The following ATP10D variants were observed in gnomAD, a reference collection of about 807,000 sequenced individuals.
ATP10D encodes the protein ATPase phospholipid transporting 10D (putative).
Under a neutral mutation model 144.8 loss-of-function variants are expected in ATP10D, and 89 were observed. The ratio of observed to expected loss-of-function variants is 0.61; its 90% CI spans 0.52 to 0.73. The LOEUF is 0.73. Among genes scored for constraint, ATP10D ranks in the 30% least tolerant of loss-of-function variants. ATP10D has a pLI of 0.00. For missense variants in ATP10D, 1,603 were observed against 1,714.8 expected, an observed-to-expected ratio of 0.93 and a Z score of 1.15; for synonymous variants, 571 against 615.1, an observed-to-expected ratio of 0.93 and a Z score of 1.06.
At chr4:47,557,555 TTAAG>T in intron 11 of ATP10D, 105 bp from the exon 12 acceptor site, 4 of 1,156,156 alleles carry the variant, frequency 3.5e-6, no homozygotes, top group Non-Finnish European at 4.7e-6. Context: ...TGCTAGCCAT[TTAAG>T]TGAGTGGTAA....
At chr4:47,514,226 G>A (rs1560418151) in intron 2 of ATP10D, among the ~76,000 whole-genome samples, 1 of 152,104 alleles carries the variant, frequency 6.6e-6, no homozygotes, top group Non-Finnish European at 1.5e-5. Flanking sequence ...ATTAAATAGT[G>A]GCTATGTTTA....
Position 47,587,152 on chromosome 4 carries a change from A to T in ATP10D, c.3887A>T (p.Asp1296Val). ...TGGATTATGCAGGAGCACATGCTGG[A>T]TCCAGTATTCTACTTAGTTTGTATC... The part of the protein sequence containing the change: ...PYWIMQEHML[D>V]PVFYLVCILT... The change falls in exon 22 of 23, where the codon GAT becomes GTT. Residue 1296 changes from aspartate to valine, a missense_variant. Transcript: ENST00000273859. 1.2e-6 allele frequency: 2 copies of T among 1,614,072 alleles called. No individual in the cohort carries two copies. Among genetic ancestry groups the T allele is most frequent in the Non-Finnish European group, 1.7e-6 (2 of 1,179,968 alleles).
At chr4:47,559,348 A>AAC (rs1363247730) in intron 13 of ATP10D, among the ~76,000 whole-genome samples, 2 of 152,228 alleles carry the variant, frequency 1.3e-5, no homozygotes, top group African/African-American at 4.8e-5. Context: ...AGGACTTTGA[A>AAC]AATGTTGATC....
chr4:47,501,362 T>A (rs887240555), intron 1 of ATP10D, among the ~76,000 whole-genome samples: 10 of 152,234 alleles, frequency 6.6e-5, no homozygotes, highest in Non-Finnish European at 1.5e-4. Context: ...TAAAAATGGG[T>A]AACCTCACCT....
At chr4:47,544,588 C>A (rs924797987) in intron 9 of ATP10D, among the ~76,000 whole-genome samples, 2 of 152,130 alleles carry the variant, frequency 1.3e-5, no homozygotes, top group Admixed American at 6.5e-5. Flanking sequence ...GAATCCAAAT[C>A]GTTCATTCTG....
rs374344538 is a variant in ATP10D, at chr4:47,512,715, C to T, written c.175C>T (p.Pro59Ser). 5 of 1,614,072 alleles carry T rather than the reference C, an allele frequency of 3.1e-6. No individual in the cohort carries two copies. Among genetic ancestry groups the T allele is most frequent in the Non-Finnish European group, 2.5e-6 (3 of 1,180,018 alleles). Residue 59 changes from proline (P) to serine (S), a missense_variant, in exon 2 of 23, where the codon CCC becomes TCC. By Grantham distance (74) the Pro-to-Ser change is moderately conservative (BLOSUM62 -1). Coordinates refer to ENST00000273859, the MANE Select transcript of ATP10D (RefSeq NM_020453.4). ...RHRIVVPHIQPFKDEYEKFSG... is the reference protein window; with the variant it reads ...RHRIVVPHIQSFKDEYEKFSG... The stretch of plus-strand genomic sequence containing the variant: ...CCGGATTGTTGTTCCCCACATCCAG[C>T]CCTTCAAGGATGAGTATGAGAAGTT...
At chr4:47,528,892 T>C (rs1717416453) in intron 5 of ATP10D, among the ~76,000 whole-genome samples, 1 of 152,204 alleles carries the variant, frequency 6.6e-6, no homozygotes, top group African/African-American at 2.4e-5. Context: ...TTAATTGGCA[T>C]TTCTCTGATG....
At chr4:47,572,032 G>T in intron 16 of ATP10D, 122 bp from the exon 17 acceptor site, 1 of 880,622 alleles carries the variant, frequency 1.1e-6, no homozygotes, top group Non-Finnish European at 1.8e-6. Context: ...CAGGAAACTT[G>T]GAGAACGGGA....
chr4:47,527,715 A>G (rs969884596), intron 5 of ATP10D, among the ~76,000 whole-genome samples: 1 of 152,296 alleles, frequency 6.6e-6, no homozygotes, highest in African/African-American at 2.4e-5. Context: ...TTTACCTGCT[A>G]CAATTAAAAA....
chr4:47,493,445 T>C (rs1715193082), intron 1 of ATP10D, among the ~76,000 whole-genome samples: 2 of 152,220 alleles, frequency 1.3e-5, no homozygotes, highest in African/African-American at 4.8e-5. Context: ...TATTTAACAC[T>C]TGATTATAAA....
At position 47,536,700 on chromosome 4, in the gene ATP10D, TTCTC is replaced by T; in HGVS notation, c.1162_1165del (p.Leu388MetfsTer7). On this transcript the variant is annotated frameshift_variant, in exon 9 of 23. Coordinates refer to ENST00000273859, the MANE Select transcript of ATP10D (RefSeq NM_020453.4). LOFTEE classifies it high-confidence loss of function. ...GATCTTCTTAGGTCTTGATTCCTATTTCTCTCTATGTTTCCATCGAAATTGTGAA... is the reference window on the plus strand; with the variant it reads ...GATCTTCTTAGGTCTTGATTCCTATTTCTATGTTTCCATCGAAATTGTGAA... 1.2e-6 allele frequency: 2 copies of T among 1,609,034 alleles called. No individual in the cohort carries two copies. The highest frequency in any genetic ancestry group is 8.5e-7 in the Non-Finnish European group (1 of 1,178,264).
intron 15 of ATP10D, among the ~76,000 whole-genome samples, chr4:47,566,344 A>G (rs1169782112): frequency 6.6e-6 from 1 of 152,204 alleles, no homozygotes; most frequent in Non-Finnish European, 1.5e-5. Context: ...TGGAATATAC[A>G]AAGGCCTTTC....
At chr4:47,509,995 TG>T (rs1716235509) in intron 1 of ATP10D, among the ~76,000 whole-genome samples, 1 of 150,670 alleles carries the variant, frequency 6.6e-6, no homozygotes, top group Non-Finnish European at 1.5e-5. Flanking sequence ...AATTCTACTT[TG>T]CATCATAGAA....
At position 47,568,964 on chromosome 4, in the gene ATP10D, G is replaced by A. The variant is rs147568390; in HGVS notation, c.2981G>A (p.Arg994Gln). 2.8e-4 allele frequency: 450 copies of A among 1,614,138 alleles called. No individual in the cohort carries two copies. In the African/African-American group the frequency reaches 3.7e-3, roughly 13 times the overall value. The change falls in exon 16 of 23, where the codon CGA (arginine) becomes CAA (glutamine). Residue 994 changes from arginine to glutamine, a missense_variant. Coordinates refer to ENST00000273859, the MANE Select transcript of ATP10D (RefSeq NM_020453.4). ...CCTGTCCCCCGGGACTCAGGGTTAC[G>A]AGCTGGACTCATTATCACTGGGAAG... is the stretch of plus-strand genomic sequence containing the variant. Reference protein sequence around the residue: ...QPPVPRDSGLRAGLIITGKTL... With the variant: ...QPPVPRDSGLQAGLIITGKTL...
intron 1 of ATP10D, among the ~76,000 whole-genome samples, chr4:47,500,997 C>A (rs1715653804): frequency 6.6e-6 from 1 of 152,132 alleles, no homozygotes; most frequent in African/African-American, 2.4e-5. Flanking sequence ...AGGTGTTGTG[C>A]ATTTCTTTCC....
chr4:47,546,594 C>T, intron 9 of ATP10D, 30 bp from the exon 10 acceptor site: 3 of 1,591,588 alleles, frequency 1.9e-6, no homozygotes, highest in Non-Finnish European at 2.6e-6. Flanking sequence ...TCTTCTCAGA[C>T]ATTGACTCAG....
At chr4:47,515,145 G>A (rs764412689) in intron 2 of ATP10D, among the ~76,000 whole-genome samples, 3 of 151,950 alleles carry the variant, frequency 2.0e-5, no homozygotes, top group Non-Finnish European at 4.4e-5. Context: ...ATTTTTAGTA[G>A]AGACGGGGTT....
Position 47,557,947 on chromosome 4 carries a change from G to A in ATP10D, c.2108G>A (p.Gly703Asp), listed in dbSNP as rs201846331. 1 of 1,614,190 alleles carries A rather than the reference G, an allele frequency of 6.2e-7. No homozygotes were observed. The highest frequency in any genetic ancestry group is 2.2e-5 in the East Asian group (1 of 44,890). Residue 703 changes from glycine (G) to aspartate (D), a missense_variant, in exon 12 of 23, where the codon GGC becomes GAC. Transcript: ENST00000273859. Reference protein sequence around the residue: ...TETEKQHGDAGLLNGKAESLP... With the variant: ...TETEKQHGDADLLNGKAESLP... ...ACAGAGAAACAACACGGTGATGCAG[G>A]CCTCCTGAATGGCAAGGCAGAGTCC... is the stretch of plus-strand genomic sequence containing the variant.
intron 22 of ATP10D, 78 bp downstream of exon 22, chr4:47,587,284 A>C: frequency 7.7e-7 from 1 of 1,299,746 alleles, no homozygotes; most frequent in South Asian, 1.4e-5. Flanking sequence ...CACTACTACG[A>C]ATGGTTGGCA....
Sources: allele counts gnomAD v4.1 joint callset (sites outside exome capture counted in the v4.1 genomes callset), GRCh38; gene constraint gnomAD v4.1.1; transcripts MANE v1.5; gene names NCBI Gene and HGNC (gene_info 2026-07-23, HGNC 2026-07-21).